The following NRG3 variants were observed in gnomAD, a reference collection of about 807,000 sequenced individuals.
NRG3 encodes the protein neuregulin 3, also known as pro-neuregulin-3, membrane-bound isoform.
Under a neutral mutation model 66.9 loss-of-function variants are expected in NRG3, and 31 were observed. The ratio of observed to expected loss-of-function variants is 0.46; its 90% CI spans 0.35 to 0.63. The LOEUF (loss-of-function observed/expected upper bound fraction) is 0.63. NRG3 is among the 20% of genes least tolerant of loss of function. The pLI is 0.00. For synonymous variants in NRG3, 393 were observed against 359.4 expected, an observed-to-expected ratio of 1.09 and a Z score of -1.06; for missense variants, 910 against 878.9, an observed-to-expected ratio of 1.04 and a Z score of -0.45.
chr10:82,168,718 A>C (rs548721552), intron 1 of NRG3, among the ~76,000 whole-genome samples: 14 of 152,256 alleles, frequency 9.2e-5, no homozygotes, highest in African/African-American at 2.9e-4. Flanking sequence ...GGAGTGGCCT[A>C]ATGTGAGAGA....
chr10:82,566,501 G>A (rs922798796), intron 2 of NRG3, among the ~76,000 whole-genome samples: 19 of 151,912 alleles, frequency 1.3e-4, no homozygotes, highest in Admixed American at 3.3e-4. Flanking sequence ...CAAAGAATCC[G>A]AAATTAATGG....
At chr10:81,933,032 C>G (rs542585481) in intron 1 of NRG3, among the ~76,000 whole-genome samples, 12 of 148,830 alleles carry the variant, frequency 8.1e-5, no homozygotes, top group African/African-American at 2.7e-4. Context: ...TGCTTGAACC[C>G]GGGAGGCAGA....
intron 3 of NRG3, among the ~76,000 whole-genome samples, chr10:82,788,050 A>C (rs2060441352): frequency 1.3e-5 from 2 of 152,208 alleles, no homozygotes; most frequent in Non-Finnish European, 2.9e-5. Context: ...AAATTTTGAA[A>C]GCTGCTCAAT....
chr10:82,769,513 A>G (rs904202838), intron 3 of NRG3, among the ~76,000 whole-genome samples: 29 of 152,234 alleles, frequency 1.9e-4, no homozygotes, highest in African/African-American at 6.7e-4. Flanking sequence ...ATTTTGAGAT[A>G]TATTTCTCAA....
At chr10:82,705,767 A>G (rs1471782072) in intron 2 of NRG3, among the ~76,000 whole-genome samples, 1 of 152,144 alleles carries the variant, frequency 6.6e-6, no homozygotes, top group African/African-American at 2.4e-5. Context: ...CAAGTGATCC[A>G]CCCATGTTAA....
chr10:81,980,331 A>G (rs2060287755), intron 1 of NRG3, among the ~76,000 whole-genome samples: 1 of 152,180 alleles, frequency 6.6e-6, no homozygotes, highest in South Asian at 2.1e-4. Flanking sequence ...CTTTAGAAAC[A>G]GTCGTCTTGT....
intron 1 of NRG3, among the ~76,000 whole-genome samples, chr10:82,186,114 A>G (rs949549952): frequency 6.6e-6 from 1 of 152,198 alleles, no homozygotes; most frequent in Non-Finnish European, 1.5e-5. Flanking sequence ...TGATTCAAAA[A>G]TTCATTGCTT....
chr10:81,997,285 C>T (rs1246816821), intron 1 of NRG3, among the ~76,000 whole-genome samples: 10 of 152,260 alleles, frequency 6.6e-5, no homozygotes, highest in Admixed American at 5.9e-4. Context: ...AAGTCAAGCC[C>T]CTTGCCATTC....
At chr10:81,954,552 A>C (rs1208022382) in intron 1 of NRG3, among the ~76,000 whole-genome samples, 1 of 151,784 alleles carries the variant, frequency 6.6e-6, no homozygotes, top group East Asian at 1.9e-4. Flanking sequence ...CTCTCTCTCT[A>C]TTTTTTCTTT....
intron 3 of NRG3, among the ~76,000 whole-genome samples, chr10:82,847,706 A>G (rs888527543): frequency 3.3e-5 from 5 of 152,170 alleles, no homozygotes; most frequent in Admixed American, 2.6e-4. Context: ...GAGACTGAAA[A>G]TTTATTTAGG....
intron 2 of NRG3, among the ~76,000 whole-genome samples, chr10:82,511,899 A>G (rs1845208366): frequency 6.6e-6 from 1 of 151,866 alleles, no homozygotes; most frequent in South Asian, 2.1e-4. Context: ...ATTGTAAGCT[A>G]TTGTTTGGGC....
chr10:82,865,364 T>C lies in NRG3; in HGVS notation c.1028-47T>C, dbSNP rs527364566. The stretch of plus-strand genomic sequence containing the variant: ...CCATGTATAGAGCTTTTTCTAACCT[T>C]TTTCTCTTTTTCTCTTCCCCTTCCT... On this transcript the variant is annotated intron_variant, in intron 3 of 8. Transcript: ENST00000372141. 16 of 1,607,388 alleles carry C rather than the reference T, an allele frequency of 1.0e-5. No homozygotes were observed. In the Admixed American group the frequency reaches 2.0e-4, roughly 20 times the overall value.
intron 2 of NRG3, among the ~76,000 whole-genome samples, chr10:82,465,431 T>C (rs933968433): frequency 6.6e-6 from 1 of 152,178 alleles, no homozygotes; most frequent in African/African-American, 2.4e-5. Flanking sequence ...CCAGGATCCC[T>C]TTGTCTTCGT....
intron 2 of NRG3, among the ~76,000 whole-genome samples, chr10:82,394,701 G>A (rs2086606072): frequency 1.3e-5 from 2 of 152,092 alleles, no homozygotes; most frequent in Non-Finnish European, 2.9e-5. Context: ...TAGAATGACA[G>A]CATTCAAACC....
intron 2 of NRG3, among the ~76,000 whole-genome samples, chr10:82,458,372 C>CT (rs2091364866): frequency 6.6e-6 from 1 of 152,174 alleles, no homozygotes; most frequent in Admixed American, 6.5e-5. Flanking sequence ...AGCATCCACT[C>CT]TGTTCCAGAC....
Position 82,265,238 on chromosome 10 carries a change from C to T in NRG3, c.824-93501C>T, listed in dbSNP as rs1381037880. On this transcript the variant is annotated intron_variant, in intron 1 of 8. Coordinates refer to ENST00000372141, the MANE Select transcript of NRG3 (RefSeq NM_001010848.4). ...CAGAGTCATTCGTTTTTATCTGCAT[C>T]ATGATACATGTAAGGAGGTGACAGA... Among the ~76,000 whole-genome samples, 3 of 152,110 alleles carry T rather than the reference C, an allele frequency of 2.0e-5. No individual in the cohort carries two copies. In the East Asian group the frequency reaches 5.8e-4, roughly 29 times the overall value.
intron 1 of NRG3, chr10:82,232,157 G>T (rs539975889): frequency 6.6e-6 from 1 of 152,302 alleles, no homozygotes; most frequent in South Asian, 2.1e-4. Flanking sequence ...AAACCCCCAA[G>T]TCCAGCAGGG....
Position 82,193,579 on chromosome 10 carries a change from T to G in NRG3, c.824-165160T>G, listed in dbSNP as rs145939190. 3.4e-3 allele frequency among the ~76,000 whole-genome samples: 518 copies of G among 152,324 alleles called. 2 individuals are homozygous for G. Among genetic ancestry groups the G allele is most frequent in the African/African-American group, 0.012 (486 of 41,576 alleles). On this transcript the variant is annotated intron_variant, in intron 1 of 8. Coordinates refer to ENST00000372141, the MANE Select transcript of NRG3 (RefSeq NM_001010848.4). ...AAGTTTCTGGTTGCTAGACCTAGGA[T>G]AGTTCTGGTGGAGATGAAAAGAAGT...
At chr10:82,497,362 A>G (rs1708492378) in intron 2 of NRG3, among the ~76,000 whole-genome samples, 2 of 152,104 alleles carry the variant, frequency 1.3e-5, no homozygotes, top group African/African-American at 4.8e-5. Flanking sequence ...GTTTTTGAAA[A>G]TTTTATTATT....
Sources: allele counts gnomAD v4.1 joint callset (sites outside exome capture counted in the v4.1 genomes callset), GRCh38; gene constraint gnomAD v4.1.1; transcripts MANE v1.5; gene names NCBI Gene and HGNC (gene_info 2026-07-23, HGNC 2026-07-21).